CFAP54: variants seen among roughly 807,000 people sequenced by gnomAD.
CFAP54 encodes cilia- and flagella-associated protein 54.
CFAP54 carries 290 observed loss-of-function variants against 370.4 expected under a neutral mutation model. The ratio of observed to expected loss-of-function variants is 0.78; its 90% CI spans 0.71 to 0.86. The LOEUF is 0.86. Ranked by LOEUF, CFAP54 falls within the 40% of genes least tolerant of loss-of-function variation. The pLI is 0.00. For missense variants in CFAP54, 3,399 were observed against 3,528.7 expected (o/e 0.96, Z 0.93); for synonymous variants, 1,206 against 1,236.5 (o/e 0.98, Z 0.52).
At chr12:96,678,550 C>T (rs760283379) in intron 39 of CFAP54, among the ~76,000 whole-genome samples, 5 of 152,190 alleles carry the variant, frequency 3.3e-5, no homozygotes, top group Non-Finnish European at 5.9e-5. Context: ...CCTCACCCTG[C>T]CTAGCTATTC....
At chr12:96,743,320 G>C in intron 52 of CFAP54, 82 bp from the exon 53 acceptor site, 1 of 1,351,678 alleles carries the variant, frequency 7.4e-7, no homozygotes, top group African/African-American at 1.5e-5. Context: ...CAATATTTCT[G>C]TGATGAAAAT....
At chr12:96,583,197 G>A (rs1956046952) in intron 22 of CFAP54, among the ~76,000 whole-genome samples, 1 of 151,954 alleles carries the variant, frequency 6.6e-6, no homozygotes, top group Admixed American at 6.6e-5. Flanking sequence ...TAGTGTATCT[G>A]GAAATTTTTT....
In CFAP54 at chr12:96,753,869, A is replaced by C. The variant is rs765049012; in HGVS notation, c.7811A>C (p.Glu2604Ala). 3.1e-6 allele frequency: 5 copies of C among 1,613,766 alleles called. No individual in the cohort carries two copies. Among genetic ancestry groups the C allele is most frequent in the Non-Finnish European group, 4.2e-6 (5 of 1,179,786 alleles). Residue 2604 changes from glutamate to alanine, a missense_variant, in exon 56 of 68, where the codon GAG becomes GCG. Glu to Ala is a moderately radical substitution (Grantham distance 107, BLOSUM62 -1). This residue lies in a region of CFAP54 where 2,796 missense variants were observed against 2,869.7 expected (regional missense o/e 0.97). Coordinates refer to ENST00000524981, the MANE Select transcript of CFAP54 (RefSeq NM_001306084.2). ...AGAACAACAGCAGTGGAGGAACATG[A>C]GGTGGAAGCTGAAATCCTTTTTCAG... ...LCRTTAVEEH[E>A]VEAEILFQKG...
At chr12:96,513,287 T>C (rs1484252413) in intron 5 of CFAP54, among the ~76,000 whole-genome samples, 6 of 152,348 alleles carry the variant, frequency 3.9e-5, no homozygotes, top group South Asian at 4.1e-4. Flanking sequence ...TAGTATTCTC[T>C]GTCTCTCAGA....
intron 65 of CFAP54, among the ~76,000 whole-genome samples, chr12:96,821,283 A>G (rs1220107048): frequency 6.6e-6 from 1 of 152,148 alleles, no homozygotes; most frequent in Non-Finnish European, 1.5e-5. Flanking sequence ...AACAAATAAG[A>G]AATAAATGAG....
intron 20 of CFAP54, among the ~76,000 whole-genome samples, chr12:96,579,766 A>C: frequency 6.6e-6 from 1 of 152,040 alleles, no homozygotes; most frequent in East Asian, 1.9e-4. Flanking sequence ...ATGAATCTTC[A>C]TTATCTTGAC....
intron 36 of CFAP54, among the ~76,000 whole-genome samples, chr12:96,652,396 G>A (rs1482595222): frequency 6.6e-6 from 1 of 152,146 alleles, no homozygotes; most frequent in Non-Finnish European, 1.5e-5. Context: ...AAGACAAAGA[G>A]GGTAAATTAT....
intron 9 of CFAP54, among the ~76,000 whole-genome samples, chr12:96,527,769 G>T (rs982467905): frequency 6.6e-6 from 1 of 151,958 alleles, no homozygotes; most frequent in African/African-American, 2.4e-5. Context: ...GGGTCTCACC[G>T]TGTTTCCCAG....
In CFAP54 at chr12:96,535,603, G is replaced by C; in HGVS notation, c.1791+3G>C. 6.6e-7 allele frequency: 1 copy of C among 1,525,440 alleles called. No homozygotes were observed. Among genetic ancestry groups the C allele is most frequent in the Non-Finnish European group, 8.8e-7 (1 of 1,139,048 alleles). 94.5% of individuals were successfully genotyped at this position (1,525,440 alleles called of 1,614,324 possible). A position where few individuals can be genotyped will look rare whatever the true frequency, so the allele number is the denominator to read the frequency against. On this transcript the variant is annotated splice_donor_region_variant and intron_variant, in intron 12 of 67. Transcript: ENST00000524981. ...TCTGTGTCTGCACTGCTCCCCAGGT[G>C]AAATAGCTATTTTAAATAATTTTTA... is the stretch of plus-strand genomic sequence containing the variant.
intron 50 of CFAP54, among the ~76,000 whole-genome samples, chr12:96,730,207 A>G (rs1302554913): frequency 2.6e-5 from 4 of 152,218 alleles, no homozygotes; most frequent in Admixed American, 2.6e-4. Context: ...GACATCATCC[A>G]TGAAATGCAG....
chr12:96,811,652 T>C (rs956502574), intron 63 of CFAP54, 84 bp from the exon 64 acceptor site: 2 of 700,946 alleles, frequency 2.9e-6, no homozygotes, highest in African/African-American at 1.9e-5. Context: ...TACAGTGATA[T>C]TATTTTGTGA....
At chr12:96,522,845 A>T (rs1311000168) in intron 8 of CFAP54, among the ~76,000 whole-genome samples, 1 of 152,222 alleles carries the variant, frequency 6.6e-6, no homozygotes, top group East Asian at 1.9e-4. Flanking sequence ...TTGATGCTCA[A>T]CATGGAAGTG....
intron 39 of CFAP54, among the ~76,000 whole-genome samples, chr12:96,672,130 G>GA (rs57510630): frequency 2.0e-5 from 3 of 151,318 alleles, no homozygotes; most frequent in Non-Finnish European, 1.5e-5. Flanking sequence ...TTAATACAAG[G>GA]AAAAAAAAGG....
intron 50 of CFAP54, among the ~76,000 whole-genome samples, chr12:96,723,619 G>C (rs1013213769): frequency 2.6e-5 from 4 of 151,850 alleles, no homozygotes; most frequent in African/African-American, 9.7e-5. Flanking sequence ...GTTTATGAGA[G>C]AATGGGAAGA....
In CFAP54 at chr12:96,634,675, G is replaced by A. The variant is rs139505640; in HGVS notation, c.4316+4024G>A. Among the ~76,000 whole-genome samples the A allele has an allele frequency of 4.9e-3, 738 of 152,098 alleles. 5 individuals carry two copies. Among genetic ancestry groups the A allele is most frequent in the African/African-American group, 0.016 (683 of 41,480 alleles). On this transcript the variant is annotated intron_variant, in intron 32 of 67. Transcript: ENST00000524981. ...AAATCTAAAAACTTTTTGCCTAATCGTAGGTCCTTTTTTTCCCCTGCTAAG... is the reference window on the plus strand; with the variant it reads ...AAATCTAAAAACTTTTTGCCTAATCATAGGTCCTTTTTTTCCCCTGCTAAG...
At chr12:96,572,974 T>G (rs1955938211) in intron 19 of CFAP54, 1 of 985,442 alleles carries the variant, frequency 1.0e-6, no homozygotes, top group South Asian at 4.7e-5. Context: ...ATTGGTTCAC[T>G]GAATCAGGAA....
At chr12:96,515,608 G>A (rs538178601) in intron 5 of CFAP54, among the ~76,000 whole-genome samples, 12 of 152,258 alleles carry the variant, frequency 7.9e-5, no homozygotes, top group African/African-American at 1.4e-4. Context: ...GAATACTGTA[G>A]TGACTTCAGA....
chr12:96,606,471 A>G (rs1404889353), intron 26 of CFAP54, among the ~76,000 whole-genome samples: 1 of 152,240 alleles, frequency 6.6e-6, no homozygotes, highest in East Asian at 1.9e-4. Context: ...AAAATATGGG[A>G]AAACAATTAA....
At chr12:96,801,965 A>G (rs1411882719) in intron 63 of CFAP54, among the ~76,000 whole-genome samples, 1 of 152,102 alleles carries the variant, frequency 6.6e-6, no homozygotes, top group Admixed American at 6.5e-5. Context: ...GCTGCTGTGA[A>G]ACTGAGAAGT....
Sources: allele counts gnomAD v4.1 joint callset (sites outside exome capture counted in the v4.1 genomes callset), GRCh38; gene constraint gnomAD v4.1.1; regional missense constraint gnomAD v4.1.1; transcripts MANE v1.5; gene names NCBI Gene and HGNC (gene_info 2026-07-23, HGNC 2026-07-21).